Variants in APAF1 observed in about 807,000 individuals in gnomAD.
APAF1 encodes apoptotic protease-activating factor 1.
Under a neutral mutation model 152.4 loss-of-function variants are expected in APAF1, and 91 were observed. The ratio of observed to expected loss-of-function variants is 0.60; its 90% CI spans 0.50 to 0.71. The LOEUF is 0.71. Among genes scored for constraint, APAF1 ranks in the 30% least tolerant of loss-of-function variants. The probability of loss-of-function intolerance (pLI) is 0.00; values close to 1 mark genes in which losing one functional copy is unlikely to be tolerated. For synonymous variants in APAF1, 484 were observed against 494.1 expected, an observed-to-expected ratio of 0.98 and a Z score of 0.27; for missense variants, 1,283 against 1,472.0, an observed-to-expected ratio of 0.87 and a Z score of 2.10.
intron 15 of APAF1, 49 bp from the exon 16 acceptor site, chr12:98,686,699 C>G: frequency 6.4e-7 from 1 of 1,564,798 alleles, no homozygotes; most frequent in Non-Finnish European, 8.7e-7. Context: ...TCTGATGTTT[C>G]CCCACTCAAT....
chr12:98,657,596 A>T (rs60521401), intron 4 of APAF1, among the ~76,000 whole-genome samples: 11,173 of 152,320 alleles, frequency 0.073, 564 homozygotes, highest in East Asian at 0.21. Context: ...TATAAGGTTC[A>T]GTTGGGCCTG....
chr12:98,705,168 T>C (rs2153337042), intron 18 of APAF1, among the ~76,000 whole-genome samples: 1 of 152,232 alleles, frequency 6.6e-6, no homozygotes, highest in Admixed American at 6.5e-5. Flanking sequence ...GCAACCCCTC[T>C]TTCAGCCTTT....
At position 98,662,491 on chromosome 12, in the gene APAF1, G is replaced by A; in HGVS notation, c.746G>A (p.Trp249Ter). 6.2e-7 allele frequency: 1 copy of A among 1,613,390 alleles called. No individual in the cohort carries two copies. Among genetic ancestry groups the A allele is most frequent in the South Asian group, 1.1e-5 (1 of 91,038 alleles). ...LLILDDVWDS[W>*]VLKAFDSQCQ... ...ATCTTGGATGATGTTTGGGACTCTT[G>A]GGTGTTGAAAGCTTTTGACAGTCAG... Residue 249 changes from tryptophan to a stop codon, truncating the protein, a stop_gained, in exon 6 of 27, where the codon TGG becomes TAG. Coordinates refer to ENST00000551964, the MANE Select transcript of APAF1 (RefSeq NM_181861.2). LOFTEE classifies it high-confidence loss of function.
chr12:98,662,147 C>CT (rs575642787), intron 5 of APAF1, among the ~76,000 whole-genome samples: 1,352 of 110,360 alleles, frequency 0.012, 10 homozygotes, highest in African/African-American at 0.026. Flanking sequence ...GTAATGGTCG[C>CT]TTTTTTTTTT....
chr12:98,731,739 T>C (rs2097761941), intron 26 of APAF1, among the ~76,000 whole-genome samples: 1 of 152,230 alleles, frequency 6.6e-6, no homozygotes, highest in Non-Finnish European at 1.5e-5. Context: ...GCCCCCATTT[T>C]AGCTGTGAGA....
intron 22 of APAF1, among the ~76,000 whole-genome samples, chr12:98,722,540 G>T (rs1227568689): frequency 6.6e-6 from 1 of 152,150 alleles, no homozygotes; most frequent in Non-Finnish European, 1.5e-5. Flanking sequence ...AAACTTCTGT[G>T]TACCTCTGTG....
intron 16 of APAF1, among the ~76,000 whole-genome samples, chr12:98,694,474 T>C (rs1367050290): frequency 6.6e-6 from 1 of 152,182 alleles, no homozygotes; most frequent in Non-Finnish European, 1.5e-5. Context: ...TCCTTCCTTC[T>C]TTTTGTCCAT....
intron 4 of APAF1, among the ~76,000 whole-genome samples, chr12:98,657,229 C>A (rs2097658904): frequency 6.6e-6 from 1 of 152,208 alleles, no homozygotes; most frequent in African/African-American, 2.4e-5. Context: ...GACTTCTCAT[C>A]CATTGATTCC....
At chr12:98,704,230 A>G (rs891956172) in intron 18 of APAF1, among the ~76,000 whole-genome samples, 12 of 152,106 alleles carry the variant, frequency 7.9e-5, no homozygotes, top group Non-Finnish European at 1.3e-4. Context: ...GGCCTCCCAA[A>G]ATGCTGGGAT....
intron 16 of APAF1, among the ~76,000 whole-genome samples, chr12:98,691,876 C>T (rs562818391): frequency 2.8e-4 from 42 of 152,256 alleles, no homozygotes; most frequent in Non-Finnish European, 4.1e-4. Context: ...CCTCTATCAC[C>T]GCTCTTCCAT....
At chr12:98,715,350 A>T in intron 21 of APAF1, 77 bp from the exon 22 acceptor site, 1 of 1,409,370 alleles carries the variant, frequency 7.1e-7, no homozygotes, top group Admixed American at 1.9e-5. Flanking sequence ...GTCTAATTTT[A>T]GTTTAATATC....
At chr12:98,651,660 AT>A (rs916012398) in intron 4 of APAF1, among the ~76,000 whole-genome samples, 4 of 146,680 alleles carry the variant, frequency 2.7e-5, no homozygotes, top group African/African-American at 7.5e-5. Flanking sequence ...TTATTTATTT[AT>A]TTTTGTTTTT....
At chr12:98,682,245 G>A (rs956352376) in intron 14 of APAF1, among the ~76,000 whole-genome samples, 3 of 151,344 alleles carry the variant, frequency 2.0e-5, no homozygotes, top group African/African-American at 7.3e-5. Flanking sequence ...AGTAGAGACG[G>A]GGTTTCACCA....
At chr12:98,702,279 A>T (rs1292765438) in intron 17 of APAF1, among the ~76,000 whole-genome samples, 1 of 151,802 alleles carries the variant, frequency 6.6e-6, no homozygotes, top group Non-Finnish European at 1.5e-5. Flanking sequence ...GTTAGCCAGG[A>T]TGGTCTCGAT....
At chr12:98,713,730 A>G (rs118043459) in intron 21 of APAF1, among the ~76,000 whole-genome samples, 2,967 of 152,262 alleles carry the variant, frequency 0.019, 37 homozygotes, top group Non-Finnish European at 0.031. Flanking sequence ...TCTGGGAATT[A>G]TTTTTTAACC....
chr12:98,703,608 A>C lies in APAF1; in HGVS notation c.2595+109A>C, dbSNP rs530693787. 3.6e-6 allele frequency: 5 copies of C among 1,406,174 alleles called. No individual in the cohort carries two copies. The Admixed American group carries it at 8.6e-5, about 24-fold the overall frequency. 87.1% of individuals were successfully genotyped at this position (1,406,174 alleles called of 1,614,324 possible). ...GCTGAGGAGCCTTGCTTGAGAAATT[A>C]TAGAGTATTTTCTTTATAGCCTAAT... On this transcript the variant is annotated intron_variant, in intron 18 of 26. Coordinates refer to ENST00000551964, the MANE Select transcript of APAF1 (RefSeq NM_181861.2).
Position 98,677,494 on chromosome 12 carries a change from C to T in APAF1, c.1863C>T (p.Ala621=), listed in dbSNP as rs1468090962. The T allele has an allele frequency of 6.2e-7, 1 of 1,614,160 alleles. No homozygotes were observed. The highest frequency in any genetic ancestry group is 8.5e-7 in the Non-Finnish European group (1 of 1,180,016). ...CCCACACAGATGCTGTTTACCATGCCTGCTTTTCTGAGGATGGTCAGAGAA... is the reference window on the plus strand; with the variant it reads ...CCCACACAGATGCTGTTTACCATGCTTGCTTTTCTGAGGATGGTCAGAGAA... The part of the protein sequence containing the change: ...VRPHTDAVYH[A]CFSEDGQRIA... Residue 621 remains alanine (A), a synonymous_variant, in exon 13 of 27, where the codon GCC becomes GCT. Coordinates refer to ENST00000551964, the MANE Select transcript of APAF1 (RefSeq NM_181861.2).
At chr12:98,651,980 A>G (rs2097649580) in intron 4 of APAF1, among the ~76,000 whole-genome samples, 1 of 151,970 alleles carries the variant, frequency 6.6e-6, no homozygotes, top group Non-Finnish European at 1.5e-5. Context: ...ACACCCAGCT[A>G]ATTTTTGTAT....
intron 26 of APAF1, among the ~76,000 whole-genome samples, chr12:98,727,631 C>A (rs929638811): frequency 3.3e-5 from 5 of 151,346 alleles, no homozygotes; most frequent in Admixed American, 2.6e-4. Flanking sequence ...CAAAAAAGAA[C>A]CAGAAAAAAC....
Sources: allele counts gnomAD v4.1 joint callset (sites outside exome capture counted in the v4.1 genomes callset), GRCh38; gene constraint gnomAD v4.1.1; transcripts MANE v1.5; gene names NCBI Gene and HGNC (gene_info 2026-07-23, HGNC 2026-07-21).